Variants in TBC1D19 observed in about 807,000 individuals in gnomAD.
The protein encoded by TBC1D19 is TBC1 domain family member 19.
A neutral mutation model predicts 89.0 loss-of-function variants in TBC1D19; 60 were observed. That is an observed-to-expected ratio of 0.67 (90% CI 0.55 to 0.84). The LOEUF (loss-of-function observed/expected upper bound fraction) is 0.84, where lower values mean the gene tolerates loss of function less well. TBC1D19 is among the 40% of genes least tolerant of loss of function. The probability of loss-of-function intolerance (pLI) is 0.00; values close to 1 mark genes in which losing one functional copy is unlikely to be tolerated. For synonymous variants in TBC1D19, 189 were observed against 199.7 expected (o/e 0.95, Z 0.45); for missense variants, 500 against 610.8 (o/e 0.82, Z 1.91).
the TBC1D19 span, among the ~76,000 whole-genome samples, chr4:26,796,437 A>G: frequency 6.6e-6 from 1 of 152,208 alleles, no homozygotes; most frequent in Non-Finnish European, 1.5e-5. Flanking sequence ...GAGTGAGGGT[A>G]TCTTTTAAGA....
chr4:26,821,763 A>G, the TBC1D19 span, among the ~76,000 whole-genome samples: 4 of 152,220 alleles, frequency 2.6e-5, no homozygotes, highest in Non-Finnish European at 4.4e-5. Flanking sequence ...TCATGCTGGA[A>G]GTCCCTGTCC....
chr4:26,683,637 A>AT, intron 11 of TBC1D19, 38 bp from the exon 12 acceptor site: 1 of 1,526,992 alleles, frequency 6.5e-7, no homozygotes, highest in African/African-American at 1.4e-5. Context: ...TATAAATGTG[A>AT]TTGACCTTTA....
At chr4:26,801,759 C>G in the TBC1D19 span, among the ~76,000 whole-genome samples, 1 of 152,070 alleles carries the variant, frequency 6.6e-6, no homozygotes, top group Admixed American at 6.5e-5. Context: ...TGGTACTTTT[C>G]TGGACGTGAA....
chr4:26,832,488 C>T, the TBC1D19 span, among the ~76,000 whole-genome samples: 699 of 152,262 alleles, frequency 4.6e-3, 3 homozygotes, highest in African/African-American at 0.016. Flanking sequence ...GTAGAAACAC[C>T]GGTCCTCTTA....
chr4:26,657,030 C>CTTCTCCTTCTCT (rs1744891351), intron 7 of TBC1D19, among the ~76,000 whole-genome samples: 4 of 111,684 alleles, frequency 3.6e-5, no homozygotes, highest in Non-Finnish European at 7.7e-5. Flanking sequence ...TCTCCTTCTC[C>CTTCTCCTTCTCT]TTCTCTCTTT....
chr4:26,613,699 C>A (rs1410176706), intron 2 of TBC1D19, among the ~76,000 whole-genome samples: 1 of 152,132 alleles, frequency 6.6e-6, no homozygotes, highest in Non-Finnish European at 1.5e-5. Context: ...ATACTGTTTA[C>A]CTTACTGGTA....
intron 7 of TBC1D19, among the ~76,000 whole-genome samples, chr4:26,651,128 A>G (rs899247455): frequency 2.0e-5 from 3 of 152,096 alleles, no homozygotes; most frequent in Admixed American, 6.6e-5. Context: ...GCCTTGTAGT[A>G]TAGTTTGAAG....
the TBC1D19 span, among the ~76,000 whole-genome samples, chr4:26,804,846 A>C: frequency 2.0e-5 from 3 of 152,372 alleles, no homozygotes; most frequent in South Asian, 2.1e-4. Flanking sequence ...GAAGAGGGAA[A>C]ATTTAAATTC....
chr4:26,834,683 G>T, the TBC1D19 span, among the ~76,000 whole-genome samples: 2 of 152,104 alleles, frequency 1.3e-5, no homozygotes, highest in Non-Finnish European at 2.9e-5. Flanking sequence ...TGCCTTTCTG[G>T]CTACTCGTTT....
At chr4:26,685,295 T>C (rs1033635202) in intron 12 of TBC1D19, among the ~76,000 whole-genome samples, 8 of 152,228 alleles carry the variant, frequency 5.3e-5, no homozygotes, top group Non-Finnish European at 1.0e-4. Context: ...TGCCAATGCC[T>C]GTTTTTAATG....
intron 7 of TBC1D19, among the ~76,000 whole-genome samples, chr4:26,656,818 C>T (rs1744852509): frequency 6.6e-6 from 1 of 152,122 alleles, no homozygotes; most frequent in Non-Finnish European, 1.5e-5. Context: ...CTCGGCCTCC[C>T]AAAGTGCTGG....
chr4:26,725,838 A>G (rs1717277469), intron 15 of TBC1D19, among the ~76,000 whole-genome samples: 1 of 152,220 alleles, frequency 6.6e-6, no homozygotes, highest in South Asian at 2.1e-4. Context: ...ACCTAGAATC[A>G]TGCATGGCAT....
chr4:26,809,336 A>C, the TBC1D19 span, among the ~76,000 whole-genome samples: 1 of 152,118 alleles, frequency 6.6e-6, no homozygotes, highest in Non-Finnish European at 1.5e-5. Flanking sequence ...GAGGGACTGG[A>C]CAAGAGAGGG....
downstream of TBC1D19, among the ~76,000 whole-genome samples, chr4:26,758,587 T>C (rs1004484584): frequency 3.9e-5 from 6 of 152,130 alleles, no homozygotes; most frequent in African/African-American, 1.2e-4. Context: ...ATTAGGAAGC[T>C]TTGGTTTAAT....
intron 17 of TBC1D19, 130 bp from the exon 18 acceptor site, chr4:26,742,378 T>A: frequency 3.0e-6 from 2 of 673,814 alleles, no homozygotes; most frequent in Non-Finnish European, 4.7e-6. Context: ...TTTCATGTTT[T>A]TGACTCTTAA....
the TBC1D19 span, among the ~76,000 whole-genome samples, chr4:26,853,298 TTC>T: frequency 6.6e-6 from 1 of 152,210 alleles, no homozygotes; most frequent in Non-Finnish European, 1.5e-5. Context: ...ATCTGTACAA[TTC>T]TCTCATTTTG....
rs1323626552 is a variant in TBC1D19 at position 26,653,401 on chromosome 4, G to T, written c.481-6196G>T. 2.0e-5 allele frequency among the ~76,000 whole-genome samples: 3 copies of T among 152,328 alleles called. No homozygotes were observed. In the East Asian group the frequency reaches 5.8e-4, roughly 29 times the overall value. On this transcript the variant is annotated intron_variant, in intron 7 of 20. Transcript: ENST00000264866. Reference sequence around the variant, plus strand: ...TATTAGGTCCGCTTGGTGCAGAGCTGAGTTCAGTTCAATTCCTGGATATCC... The same window carrying T: ...TATTAGGTCCGCTTGGTGCAGAGCTTAGTTCAGTTCAATTCCTGGATATCC...
chr4:26,585,076 G>A (rs968016393), intron 1 of TBC1D19: 10 of 310,356 alleles, frequency 3.2e-5, no homozygotes, highest in Non-Finnish European at 6.5e-5. Flanking sequence ...TCTGGTTTTA[G>A]AGATTATAAG....
chr4:26,679,147 G>C (rs1435531930), intron 11 of TBC1D19, among the ~76,000 whole-genome samples: 1 of 152,136 alleles, frequency 6.6e-6, no homozygotes, highest in East Asian at 1.9e-4. Flanking sequence ...AGACCATGGG[G>C]AAAATGCCTC....
Sources: gnomAD v4.1 joint callset for allele counts (sites outside exome capture counted in the v4.1 genomes callset) on GRCh38, gnomAD v4.1.1 for gene constraint, MANE v1.5 for transcripts, NCBI Gene and HGNC (gene_info 2026-07-23, HGNC 2026-07-21) for gene names.